Variants in DPYD observed in about 807,000 individuals in gnomAD.
The protein encoded by DPYD is dihydropyrimidine dehydrogenase [NADP(+)].
In DPYD, 109 loss-of-function variants were observed where a neutral mutation model predicts 116.2. The ratio of observed to expected loss-of-function variants is 0.94; its 90% confidence interval spans 0.80 to 1.10. The LOEUF (loss-of-function observed/expected upper bound fraction) is 1.10. Among genes scored for constraint, DPYD ranks in the 50% least tolerant of loss-of-function variants. DPYD has a pLI of 0.00. For missense variants in DPYD, 1,302 were observed against 1,254.5 expected, an observed-to-expected ratio of 1.04 and a Z score of -0.57; for synonymous variants, 440 against 432.0, an observed-to-expected ratio of 1.02 and a Z score of -0.23.
At chr1:97,327,453 T>C (rs1668765773) in intron 16 of DPYD, among the ~76,000 whole-genome samples, 1 of 151,928 alleles carries the variant, frequency 6.6e-6, no homozygotes, top group Non-Finnish European at 1.5e-5. Context: ...AAAAAAGTTC[T>C]TAATTATTGT....
chr1:97,412,567 C>A (rs935433698), intron 14 of DPYD, among the ~76,000 whole-genome samples: 1 of 152,098 alleles, frequency 6.6e-6, no homozygotes, highest in Non-Finnish European at 1.5e-5. Context: ...ATTTGGAAGT[C>A]TGTTTAAAAT....
chr1:97,593,440 G>A, intron 9 of DPYD, 53 bp from the exon 10 acceptor site: 1 of 1,599,292 alleles, frequency 6.3e-7, no homozygotes, highest in African/African-American at 1.4e-5. Flanking sequence ...ATTTCTGCAT[G>A]ACAGCTCAAA....
At chr1:97,740,080 G>T (rs1571279420) in intron 4 of DPYD, among the ~76,000 whole-genome samples, 1 of 152,164 alleles carries the variant, frequency 6.6e-6, no homozygotes, top group East Asian at 1.9e-4. Context: ...GATGATCAAT[G>T]ACAGTTCTTG....
intron 16 of DPYD, among the ~76,000 whole-genome samples, chr1:97,351,573 T>C (rs971423899): frequency 6.0e-5 from 9 of 151,140 alleles, no homozygotes; most frequent in African/African-American, 2.0e-4. Flanking sequence ...AATACAGAGA[T>C]AGAAGAAATC....
intron 8 of DPYD, among the ~76,000 whole-genome samples, chr1:97,624,175 C>G (rs1656792003): frequency 6.6e-6 from 1 of 152,082 alleles, no homozygotes; most frequent in African/African-American, 2.4e-5. Flanking sequence ...AAGCAATTAA[C>G]AGTGTGTAGA....
chr1:97,530,611 A>T (rs571834107), intron 12 of DPYD, among the ~76,000 whole-genome samples: 62 of 152,334 alleles, frequency 4.1e-4, no homozygotes, highest in Non-Finnish European at 8.2e-4. Context: ...TCTCTTTGAG[A>T]TAATGATTTC....
At chr1:97,813,794 A>C (rs1219567775) in intron 3 of DPYD, among the ~76,000 whole-genome samples, 1 of 152,114 alleles carries the variant, frequency 6.6e-6, no homozygotes, top group Non-Finnish European at 1.5e-5. Context: ...AAATATCTGT[A>C]TATAATTTCA....
At chr1:97,583,650 CT>C (rs375866957) in intron 10 of DPYD, among the ~76,000 whole-genome samples, 42,054 of 132,406 alleles carry the variant, frequency 0.32, 6,690 homozygotes, top group East Asian at 0.55. Context: ...CTCGTATTTC[CT>C]TTTTTTTTTT....
At chr1:97,247,260 T>A (rs935854523) in intron 18 of DPYD, among the ~76,000 whole-genome samples, 1 of 152,080 alleles carries the variant, frequency 6.6e-6, no homozygotes, top group Non-Finnish European at 1.5e-5. Flanking sequence ...AAAGAGCATA[T>A]GATCAAAAAA....
intron 18 of DPYD, among the ~76,000 whole-genome samples, chr1:97,261,882 A>G (rs1478240652): frequency 6.6e-6 from 1 of 152,040 alleles, no homozygotes; most frequent in African/African-American, 2.4e-5. Context: ...CTTCTACCTG[A>G]TAATTCCTTA....
At chr1:97,557,556 T>C (rs1266472252) in intron 11 of DPYD, among the ~76,000 whole-genome samples, 1 of 152,050 alleles carries the variant, frequency 6.6e-6, no homozygotes, top group Non-Finnish European at 1.5e-5. Context: ...CCTCAAGTGA[T>C]TTACCAGCCT....
chr1:97,869,821 G>A (rs899044083), intron 2 of DPYD, among the ~76,000 whole-genome samples: 5 of 151,654 alleles, frequency 3.3e-5, no homozygotes, highest in Admixed American at 6.6e-5. Context: ...TGGTATGTAA[G>A]CCCCTGGGTT....
At chr1:97,542,415 C>A (rs1387424152) in intron 12 of DPYD, among the ~76,000 whole-genome samples, 2 of 152,092 alleles carry the variant, frequency 1.3e-5, no homozygotes, top group African/African-American at 4.8e-5. Flanking sequence ...CAGCTTGTAC[C>A]CTGGTCTGGG....
chr1:97,469,129 A>T (rs1677486023), intron 13 of DPYD, among the ~76,000 whole-genome samples: 1 of 152,162 alleles, frequency 6.6e-6, no homozygotes. Context: ...TGAAAGGAAC[A>T]GCCATTTAAT....
intron 12 of DPYD, among the ~76,000 whole-genome samples, chr1:97,526,701 C>T (rs2811173): frequency 0.54 from 81,301 of 151,746 alleles, 21,946 homozygotes; most frequent in East Asian, 0.73. Context: ...GAGAACAGAC[C>T]GTTTAAGTTC....
intron 12 of DPYD, among the ~76,000 whole-genome samples, chr1:97,523,681 C>T (rs527960778): frequency 5.3e-5 from 8 of 152,180 alleles, no homozygotes; most frequent in African/African-American, 1.4e-4. Flanking sequence ...ATCATTAATG[C>T]ATCTTTGCAT....
chr1:97,768,781 T>A (rs1666000816), intron 3 of DPYD, among the ~76,000 whole-genome samples: 1 of 152,068 alleles, frequency 6.6e-6, no homozygotes, highest in Non-Finnish European at 1.5e-5. Flanking sequence ...AAAACCCACA[T>A]TAGTCTACCA....
At chr1:97,079,254 C>CAACT in intron 22 of DPYD, 108 bp from the exon 23 acceptor site, 1 of 1,125,904 alleles carries the variant, frequency 8.9e-7, no homozygotes, top group Non-Finnish European at 1.4e-6. Flanking sequence ...CACTATGAGA[C>CAACT]AACTACGTCC....
chr1:97,486,109 T>C (rs1333448442), intron 13 of DPYD, among the ~76,000 whole-genome samples: 1 of 152,174 alleles, frequency 6.6e-6, no homozygotes, highest in Non-Finnish European at 1.5e-5. Context: ...CAATTCATAA[T>C]TTTAAAGAGG....
Sources: gnomAD v4.1 joint callset for allele counts (sites outside exome capture counted in the v4.1 genomes callset) on GRCh38, gnomAD v4.1.1 for gene constraint, MANE v1.5 for transcripts, NCBI Gene and HGNC (gene_info 2026-07-23, HGNC 2026-07-21) for gene names.